The following GMDS variants were observed in gnomAD, a reference collection of about 807,000 sequenced individuals.
GMDS encodes GDP-mannose 4,6 dehydratase.
GMDS carries 20 observed loss-of-function variants against 49.9 expected under a neutral mutation model. The ratio of observed to expected loss-of-function variants is 0.40; its 90% confidence interval spans 0.28 to 0.58. The LOEUF (loss-of-function observed/expected upper bound fraction) is 0.58, where lower values mean the gene tolerates loss of function less well. GMDS is among the 20% of genes least tolerant of loss of function. The pLI is 0.42. For missense variants in GMDS, 362 were observed against 481.4 expected (o/e 0.75, Z 2.32); for synonymous variants, 177 against 178.6 (o/e 0.99, Z 0.07).
chr6:2,124,867 CCAATAATGT>C (rs912529560), intron 1 of GMDS, 136 bp from the exon 2 acceptor site: 1 of 665,808 alleles, frequency 1.5e-6, no homozygotes, highest in African/African-American at 1.8e-5. Flanking sequence ...AAAAATAACA[CCAATAATGT>C]CAATAAATAC....
chr6:1,972,522 T>C (rs1248684763), intron 4 of GMDS, among the ~76,000 whole-genome samples: 1 of 152,236 alleles, frequency 6.6e-6, no homozygotes, highest in Non-Finnish European at 1.5e-5. Context: ...GAATTTATTA[T>C]AGCAGGAATA....
At chr6:1,690,435 T>C (rs1364079857) in intron 9 of GMDS, among the ~76,000 whole-genome samples, 1 of 152,238 alleles carries the variant, frequency 6.6e-6, no homozygotes, top group African/African-American at 2.4e-5. Flanking sequence ...ATTTTTTGCA[T>C]ATAGCTAGCC....
At chr6:1,647,444 G>A (rs137960566) in intron 9 of GMDS, among the ~76,000 whole-genome samples, 137 of 152,298 alleles carry the variant, frequency 9.0e-4, no homozygotes, top group African/African-American at 3.2e-3. Context: ...TGAAGGGTCT[G>A]GAAGCTGATA....
chr6:1,985,859 A>G (rs1765514366), intron 4 of GMDS, among the ~76,000 whole-genome samples: 1 of 152,234 alleles, frequency 6.6e-6, no homozygotes, highest in Non-Finnish European at 1.5e-5. Context: ...AAGGTGGCAG[A>G]AGTTTACTGG....
At chr6:1,865,918 G>A (rs1461377970) in intron 7 of GMDS, among the ~76,000 whole-genome samples, 1 of 152,030 alleles carries the variant, frequency 6.6e-6, no homozygotes, top group African/African-American at 2.4e-5. Flanking sequence ...TATATATACA[G>A]CCCCCAGCCC....
At chr6:1,808,835 ATGAG>A (rs576901953) in intron 7 of GMDS, among the ~76,000 whole-genome samples, 119 of 152,296 alleles carry the variant, frequency 7.8e-4, no homozygotes, top group African/African-American at 2.8e-3. Flanking sequence ...ACTGATATAA[ATGAG>A]TAATTTTTTA....
chr6:1,652,395 TA>T (rs1371072494), intron 9 of GMDS, among the ~76,000 whole-genome samples: 217 of 5,328 alleles, frequency 0.041, 31 homozygotes, highest in African/African-American at 0.072. Flanking sequence ...ATATATATTA[TA>T]TATATATATA....
intron 7 of GMDS, among the ~76,000 whole-genome samples, chr6:1,830,933 A>G (rs1217538171): frequency 1.3e-5 from 2 of 152,340 alleles, no homozygotes; most frequent in East Asian, 3.9e-4. Context: ...CCTTCCATTC[A>G]TGTCTAGGAA....
chr6:1,781,784 T>C (rs950612094), intron 7 of GMDS, among the ~76,000 whole-genome samples: 8 of 152,128 alleles, frequency 5.3e-5, no homozygotes, highest in Admixed American at 1.3e-4. Context: ...TTAATGGTCA[T>C]GGGGGCCTTT....
At chr6:2,010,700 G>C (rs571477992) in intron 4 of GMDS, among the ~76,000 whole-genome samples, 228 of 152,174 alleles carry the variant, frequency 1.5e-3, no homozygotes, top group Non-Finnish European at 2.5e-3. Context: ...AAGAAATGAA[G>C]AACATCAGAA....
chr6:1,878,674 C>T (rs576582288), intron 7 of GMDS, among the ~76,000 whole-genome samples: 2 of 151,994 alleles, frequency 1.3e-5, no homozygotes, highest in South Asian at 4.2e-4. Flanking sequence ...TTATTTAATA[C>T]CTAAAAATAT....
chr6:1,930,989 T>C (rs1269452706), intron 6 of GMDS: 1 of 152,254 alleles, frequency 6.6e-6, no homozygotes, highest in Non-Finnish European at 1.5e-5. Context: ...AGCACTGAAA[T>C]TGTTTTAATG....
At chr6:2,068,677 G>A (rs1257512726) in intron 4 of GMDS, among the ~76,000 whole-genome samples, 1 of 152,094 alleles carries the variant, frequency 6.6e-6, no homozygotes, top group Non-Finnish European at 1.5e-5. Flanking sequence ...TTGCTTCAAA[G>A]AGAATAAAAT....
At chr6:1,942,198 C>G (rs930195990) in intron 6 of GMDS, among the ~76,000 whole-genome samples, 1 of 152,216 alleles carries the variant, frequency 6.6e-6, no homozygotes, top group African/African-American at 2.4e-5. Context: ...TGGTCTCACC[C>G]TGCACCCAGT....
At chr6:2,060,136 A>G (rs56718691) in intron 4 of GMDS, among the ~76,000 whole-genome samples, 3,011 of 152,194 alleles carry the variant, frequency 0.02, 119 homozygotes, top group African/African-American at 0.068. Context: ...ACAAACACCC[A>G]TGTTTGATAG....
chr6:2,078,200 TG>T (rs1772459525), intron 4 of GMDS, among the ~76,000 whole-genome samples: 1 of 152,124 alleles, frequency 6.6e-6, no homozygotes, highest in African/African-American at 2.4e-5. Flanking sequence ...TTATCAATTT[TG>T]TGTCTTTTCA....
At chr6:1,749,853 A>G (rs1767654431) in intron 7 of GMDS, among the ~76,000 whole-genome samples, 1 of 151,910 alleles carries the variant, frequency 6.6e-6, no homozygotes, top group Non-Finnish European at 1.5e-5. Flanking sequence ...TTTTTTGTAG[A>G]CAGGGTCTTA....
At chr6:2,243,397 T>C (rs915314958) in intron 1 of GMDS, among the ~76,000 whole-genome samples, 1 of 152,188 alleles carries the variant, frequency 6.6e-6, no homozygotes, top group Non-Finnish European at 1.5e-5. Flanking sequence ...TAAATTGGTA[T>C]AGGCCACACC....
At chr6:2,137,704 G>A (rs1240009125) in intron 1 of GMDS, among the ~76,000 whole-genome samples, 1 of 152,148 alleles carries the variant, frequency 6.6e-6, no homozygotes, top group East Asian at 1.9e-4. Context: ...ATCATCTTTG[G>A]TTGGAGTAAA....
Sources: allele counts gnomAD v4.1 joint callset (sites outside exome capture counted in the v4.1 genomes callset), GRCh38; gene constraint gnomAD v4.1.1; transcripts MANE v1.5; gene names NCBI Gene and HGNC (gene_info 2026-07-23, HGNC 2026-07-21).